Variants in N4BP1 observed in about 807,000 individuals in gnomAD.
N4BP1 encodes NEDD4-binding protein 1.
Under a neutral mutation model 70.9 loss-of-function variants are expected in N4BP1, and 21 were observed. The observed-to-expected ratio is 0.30, with a 90% CI of 0.21 to 0.43. The LOEUF (loss-of-function observed/expected upper bound fraction) is 0.43. Among genes scored for constraint, N4BP1 ranks in the 20% least tolerant of loss-of-function variants. The pLI is 1.00. For missense variants in N4BP1, 936 were observed against 1,069.4 expected (o/e 0.88, Z 1.74); for synonymous variants, 387 against 394.6 (o/e 0.98, Z 0.23).
At chr16:48,595,444 G>A (rs572819445) in intron 1 of N4BP1, among the ~76,000 whole-genome samples, 1 of 109,772 alleles carries the variant, frequency 9.1e-6, no homozygotes, top group Non-Finnish European at 1.7e-5. Flanking sequence ...GCAATAGAGT[G>A]AGACTCTGTC....
chr16:48,549,586 T>C (rs1307296320), intron 4 of N4BP1, among the ~76,000 whole-genome samples: 1 of 152,252 alleles, frequency 6.6e-6, no homozygotes, highest in Non-Finnish European at 1.5e-5. Context: ...TTCCGCCTTC[T>C]AGTACTTCTC....
chr16:48,566,803 T>C (rs959558762), intron 1 of N4BP1, among the ~76,000 whole-genome samples: 1 of 152,224 alleles, frequency 6.6e-6, no homozygotes, highest in East Asian at 1.9e-4. Flanking sequence ...GAGAAGGGTG[T>C]TGAAGTCTCC....
chr16:48,562,347 A>G lies in N4BP1; in HGVS notation c.296T>C (p.Leu99Pro). 6.2e-7 allele frequency: 1 copy of G among 1,613,866 alleles called. No homozygotes were observed. ...ACAAGTATCCTGAATCAAGCTTTTCAGAAACAGGCTCTCTGCCCCAACAAA... is the reference window on the plus strand; with the variant it reads ...ACAAGTATCCTGAATCAAGCTTTTCGGAAACAGGCTCTCTGCCCCAACAAA... ...CIFVGAESLF[L>P]KSLIQDTCAD... The change falls in exon 2 of 7, where the codon CTG (leucine) becomes CCG (proline). Residue 99 changes from leucine (L) to proline (P), a missense_variant. By Grantham distance (98) the Leu-to-Pro change is moderately conservative. Around this residue, in one of 4 missense-constraint regions of N4BP1, gnomAD observed 187 missense variants for 217.1 expected, o/e 0.86. Transcript: ENST00000262384.
In N4BP1 at chr16:48,554,676, T is replaced by G. The variant is rs552986513; in HGVS notation, c.1890-1007A>C. 6.6e-5 allele frequency among the ~76,000 whole-genome samples: 10 copies of G among 152,336 alleles called. No individual in the cohort carries two copies. The East Asian group carries it at 1.9e-3, about 29-fold the overall frequency. On this transcript the variant is annotated intron_variant, in intron 2 of 6. Transcript: ENST00000262384. Reference sequence around the variant, plus strand: ...CTTAGATTCCAGCGACAATACTCCCTGCATCTTCAGTCCTATCTTCTCTCC... The same window carrying G: ...CTTAGATTCCAGCGACAATACTCCCGGCATCTTCAGTCCTATCTTCTCTCC...
At chr16:48,556,499 C>T (rs764994520) in intron 2 of N4BP1, among the ~76,000 whole-genome samples, 4 of 152,168 alleles carry the variant, frequency 2.6e-5, no homozygotes, top group Non-Finnish European at 5.9e-5. Context: ...TATGGGAAGG[C>T]CAAAGCTCTG....
chr16:48,607,917 G>A lies in N4BP1; in HGVS notation c.198+1858C>T, dbSNP rs138113906. Among the ~76,000 whole-genome samples, 1,403 of 152,286 alleles carry A rather than the reference G, an allele frequency of 9.2e-3. 20 individuals are homozygous for A. The highest frequency in any genetic ancestry group is 0.032 in the African/African-American group (1,339 of 41,566). On this transcript the variant is annotated intron_variant, in intron 1 of 6. Transcript: ENST00000262384. ...CTCGTGCTGTCGCCCAGGCTGGAGTGCAGTGGCGCGATCTCAGCTCACTGC... is the reference window on the plus strand; with the variant it reads ...CTCGTGCTGTCGCCCAGGCTGGAGTACAGTGGCGCGATCTCAGCTCACTGC...
chr16:48,602,026 C>T (rs948452450), intron 1 of N4BP1, among the ~76,000 whole-genome samples: 1 of 152,186 alleles, frequency 6.6e-6, no homozygotes, highest in African/African-American at 2.4e-5. Flanking sequence ...AGTTCAAGAC[C>T]AGCCCGGCCA....
chr16:48,577,359 T>C (rs1964109104), intron 1 of N4BP1, among the ~76,000 whole-genome samples: 1 of 152,110 alleles, frequency 6.6e-6, no homozygotes, highest in Non-Finnish European at 1.5e-5. Flanking sequence ...GCTCCTTAAA[T>C]TTCCCAAAAT....
chr16:48,597,569 A>C (rs1034509409), intron 1 of N4BP1, among the ~76,000 whole-genome samples: 1 of 152,216 alleles, frequency 6.6e-6, no homozygotes, highest in South Asian at 2.1e-4. Context: ...AGCTGATGCT[A>C]ACCAGTTTGA....
At chr16:48,548,136 T>C in intron 4 of N4BP1, 22 bp from the exon 5 acceptor site, 1 of 1,413,270 alleles carries the variant, frequency 7.1e-7, no homozygotes, top group Non-Finnish European at 1.0e-6. Flanking sequence ...TAAGAGAGTT[T>C]AAAATCAGCA....
At chr16:48,560,555 G>A in intron 2 of N4BP1, 199 bp downstream of exon 2, 2 of 580,480 alleles carry the variant, frequency 3.4e-6, no homozygotes, top group South Asian at 2.6e-5. Context: ...TCAGCAGGGT[G>A]AAGTAAAGTT....
chr16:48,607,489 A>G lies in N4BP1; in HGVS notation c.198+2286T>C, dbSNP rs1964601447. Among the ~76,000 whole-genome samples the G allele has an allele frequency of 3.9e-5, 6 of 152,206 alleles. No homozygotes were observed. The South Asian group carries it at 1.2e-3, about 32-fold the overall frequency. On this transcript the variant is annotated intron_variant, in intron 1 of 6. Coordinates refer to ENST00000262384, the MANE Select transcript of N4BP1 (RefSeq NM_153029.4). ...AATGAGACAGGTGACAGGAGGCTCTAGTAGGTTCCAGGGCAGGAGAATGAC... is the reference window on the plus strand; with the variant it reads ...AATGAGACAGGTGACAGGAGGCTCTGGTAGGTTCCAGGGCAGGAGAATGAC...
In N4BP1 at chr16:48,560,986, G is replaced by T. The variant is rs373692452; in HGVS notation, c.1657C>A (p.His553Asn). 18 of 1,613,844 alleles carry T rather than the reference G, an allele frequency of 1.1e-5. No individual in the cohort carries two copies. Among genetic ancestry groups the T allele is most frequent in the Non-Finnish European group, 1.4e-5 (17 of 1,179,870 alleles). ...EKRLGCCSSPHSKPNCSTLSP... is the reference protein window; with the variant it reads ...EKRLGCCSSPNSKPNCSTLSP... ...AGGGTTGAGCAATTTGGCTTAGAAT[G>T]AGGAGAACTACAACATCCTAAACGT... is the stretch of plus-strand genomic sequence containing the variant. Residue 553 changes from histidine (H) to asparagine (N), a missense_variant, in exon 2 of 7, where the codon CAT becomes AAT. This residue lies in a region of N4BP1 where 515 missense variants were observed against 491.7 expected (regional missense o/e 1.05). Transcript: ENST00000262384.
intron 3 of N4BP1, 73 bp from the exon 4 acceptor site, chr16:48,551,555 C>T: frequency 9.3e-7 from 1 of 1,069,728 alleles, no homozygotes; most frequent in Non-Finnish European, 1.4e-6. Context: ...AATGAAAGTA[C>T]ACTCAAATGT....
rs1218021592 is a variant in N4BP1 at position 48,551,500 on chromosome 16, T to C, written c.2021-18A>G. Reference sequence around the variant, plus strand: ...GTGCTGTTCTGTTCATGGAATAAGTTGAATATACATTCAGAAAAGGGCTAT... The same window carrying C: ...GTGCTGTTCTGTTCATGGAATAAGTCGAATATACATTCAGAAAAGGGCTAT... On this transcript the variant is annotated intron_variant, in intron 3 of 6. Coordinates refer to ENST00000262384, the MANE Select transcript of N4BP1 (RefSeq NM_153029.4). 1 of 1,550,022 alleles carries C rather than the reference T, an allele frequency of 6.5e-7. No homozygotes were observed. The highest frequency in any genetic ancestry group is 8.9e-7 in the Non-Finnish European group (1 of 1,129,274).
intron 1 of N4BP1, among the ~76,000 whole-genome samples, chr16:48,589,312 G>A (rs1274522141): frequency 6.6e-6 from 1 of 152,076 alleles, no homozygotes; most frequent in Non-Finnish European, 1.5e-5. Context: ...AGGATGACAG[G>A]GTCTCAACCC....
At chr16:48,547,877 G>A in intron 5 of N4BP1, 130 bp downstream of exon 5, 1 of 638,026 alleles carries the variant, frequency 1.6e-6, no homozygotes, top group Non-Finnish European at 2.8e-6. Context: ...ACAGTCTTAT[G>A]ATACTTTGGT....
At chr16:48,556,453 C>T (rs1180546649) in intron 2 of N4BP1, among the ~76,000 whole-genome samples, 1 of 152,172 alleles carries the variant, frequency 6.6e-6, no homozygotes, top group African/African-American at 2.4e-5. Context: ...AGGTCTATTT[C>T]GACCCAAAGT....
At chr16:48,587,286 T>C (rs1964259326) in intron 1 of N4BP1, 1 of 152,292 alleles carries the variant, frequency 6.6e-6, no homozygotes, top group East Asian at 1.9e-4. Flanking sequence ...AGCAACAGGC[T>C]AGACTACACC....
Sources: allele counts gnomAD v4.1 joint callset (sites outside exome capture counted in the v4.1 genomes callset), GRCh38; gene constraint gnomAD v4.1.1; regional missense constraint gnomAD v4.1.1; transcripts MANE v1.5; gene names NCBI Gene and HGNC (gene_info 2026-07-23, HGNC 2026-07-21).